MMD: variants seen among roughly 807,000 people sequenced by gnomAD.
MMD encodes monocyte to macrophage differentiation factor.
Under a neutral mutation model 33.6 loss-of-function variants are expected in MMD, and 22 were observed. The ratio of observed to expected loss-of-function variants is 0.66; its 90% CI spans 0.47 to 0.94. The LOEUF is 0.94. Among genes scored for constraint, MMD ranks in the 40% least tolerant of loss-of-function variants. The probability of loss-of-function intolerance (pLI) is 0.00; values close to 1 mark genes in which losing one functional copy is unlikely to be tolerated. For synonymous variants in MMD, 97 were observed against 103.2 expected, an observed-to-expected ratio of 0.94 and a Z score of 0.36; for missense variants, 242 against 309.8, an observed-to-expected ratio of 0.78 and a Z score of 1.64.
intron 5 of MMD, among the ~76,000 whole-genome samples, chr17:55,401,981 ATGGCG>A: frequency 2.8e-5 from 1 of 35,674 alleles, no homozygotes; most frequent in African/African-American, 3.9e-4. Flanking sequence ...AGGCAGGAGA[ATGGCG>A]TGAACCCGAA....
At position 55,394,454 on chromosome 17, in the gene MMD, G is replaced by T; in HGVS notation, c.597C>A (p.Gly199=). Residue 199 remains glycine (G), a synonymous_variant, in exon 7 of 7, where the codon GGC becomes GGA. Transcript: ENST00000262065. ...CLGVVFFKSD[G]IIPFAHAIWH... The stretch of plus-strand genomic sequence containing the variant: ...AGATGGCGTGGGCAAATGGAATGAT[G>T]CCATCACTCTTGAAGAACACAACTC... 1 of 1,545,902 alleles carries T rather than the reference G, an allele frequency of 6.5e-7. No homozygotes were observed. Among genetic ancestry groups the T allele is most frequent in the Non-Finnish European group, 8.7e-7 (1 of 1,150,742 alleles).
chr17:55,411,643 T>C (rs1331950147), intron 2 of MMD, among the ~76,000 whole-genome samples: 1 of 149,626 alleles, frequency 6.7e-6, no homozygotes, highest in Admixed American at 6.7e-5. Context: ...CCAGTGGGGA[T>C]ACAATTAAGC....
chr17:55,399,612 C>T (rs1907250118), intron 6 of MMD, among the ~76,000 whole-genome samples: 1 of 152,228 alleles, frequency 6.6e-6, no homozygotes, highest in South Asian at 2.1e-4. Flanking sequence ...TCACCCCTAC[C>T]ATCTCTCAGC....
Position 55,415,812 on chromosome 17 carries a change from A to G in MMD, c.27-1580T>C, listed in dbSNP as rs1279995878. On this transcript the variant is annotated intron_variant, in intron 1 of 6. Coordinates refer to ENST00000262065, the MANE Select transcript of MMD (RefSeq NM_012329.3). The stretch of plus-strand genomic sequence containing the variant: ...GTACTTACTGAGTATAATCTACCAG[A>G]TGGTTTGAAAACCAACTGTTAAAGA... Among the ~76,000 whole-genome samples, 4 of 152,350 alleles carry G rather than the reference A, an allele frequency of 2.6e-5. No homozygotes were observed. In the East Asian group the frequency reaches 7.7e-4, roughly 29 times the overall value.
Position 55,394,395 on chromosome 17 carries a change from T to A in MMD, c.656A>T (p.His219Leu). The change falls in exon 7 of 7, where the codon CAT becomes CTT. Residue 219 changes from histidine to leucine, a missense_variant. Transcript: ENST00000262065. ...HLFVATAAAV[H>L]YYAIWKYLYR... ...AAGGTATTTCCAAATGGCGTAGTAA[T>A]GCACTGCAGCTGCCGTGGCCACAAA... 1 of 1,491,150 alleles carries A rather than the reference T, an allele frequency of 6.7e-7. No homozygotes were observed. The allele number at this position is 1,491,150 out of a possible 1,614,324, so 92.4% of individuals were successfully genotyped here. A position where few individuals can be genotyped will look rare whatever the true frequency, so the allele number is the denominator to read the frequency against.
intron 4 of MMD, among the ~76,000 whole-genome samples, chr17:55,405,270 T>C (rs1455258329): frequency 1.3e-5 from 2 of 151,188 alleles, no homozygotes; most frequent in Non-Finnish European, 2.9e-5. Context: ...CTTGGAAGGC[T>C]GACGCAGGAG....
intron 5 of MMD, among the ~76,000 whole-genome samples, chr17:55,402,760 C>T (rs980728019): frequency 6.6e-6 from 1 of 152,182 alleles, no homozygotes; most frequent in Non-Finnish European, 1.5e-5. Context: ...GTCCAAGAAG[C>T]AAACCATTCC....
chr17:55,412,281 A>G (rs1266538019), intron 2 of MMD, among the ~76,000 whole-genome samples: 1 of 152,226 alleles, frequency 6.6e-6, no homozygotes, highest in African/African-American at 2.4e-5. Flanking sequence ...GGATCTGTAC[A>G]TTCCACCAAT....
At chr17:55,420,443 G>A (rs1356092919) in intron 1 of MMD, 1 of 152,220 alleles carries the variant, frequency 6.6e-6, no homozygotes, top group Non-Finnish European at 1.5e-5. Context: ...ATATTCAGAA[G>A]TCAATCCAAG....
intron 1 of MMD, among the ~76,000 whole-genome samples, chr17:55,415,520 C>G (rs1336632654): frequency 2.0e-5 from 3 of 152,092 alleles, no homozygotes; most frequent in Non-Finnish European, 4.4e-5. Context: ...ATGGTAGAAC[C>G]AAGTTGCCAA....
At chr17:55,414,556 T>TCACACACACACACACACA (rs58103743) in intron 1 of MMD, among the ~76,000 whole-genome samples, 13 of 122,922 alleles carry the variant, frequency 1.1e-4, no homozygotes, top group African/African-American at 4.1e-4. Flanking sequence ...CCTCCTCCAT[T>TCACACACACACACACACA]CACACACACA....
chr17:55,417,890 G>A (rs771127771), intron 1 of MMD, among the ~76,000 whole-genome samples: 16 of 152,272 alleles, frequency 1.1e-4, no homozygotes, highest in Admixed American at 7.2e-4. Context: ...GCTTACGATA[G>A]CACTGTAACA....
intron 4 of MMD, among the ~76,000 whole-genome samples, chr17:55,406,257 T>C (rs1190121764): frequency 1.3e-5 from 2 of 152,086 alleles, no homozygotes; most frequent in African/African-American, 2.4e-5. Context: ...TAGCCAGGCA[T>C]GGTGGCACAT....
intron 3 of MMD, among the ~76,000 whole-genome samples, chr17:55,408,708 T>C (rs962857259): frequency 6.6e-6 from 1 of 152,130 alleles, no homozygotes; most frequent in African/African-American, 2.4e-5. Flanking sequence ...TGAAAAAACA[T>C]ACCCCATAAA....
At chr17:55,418,730 A>G (rs1240811686) in intron 1 of MMD, among the ~76,000 whole-genome samples, 1 of 152,234 alleles carries the variant, frequency 6.6e-6, no homozygotes, top group East Asian at 1.9e-4. Context: ...CCCCATGCCT[A>G]TGATTTAGTG....
intron 4 of MMD, among the ~76,000 whole-genome samples, chr17:55,405,975 G>T (rs1177824005): frequency 2.6e-5 from 4 of 152,198 alleles, no homozygotes; most frequent in African/African-American, 9.6e-5. Context: ...AAGGCAGAAA[G>T]ATCAAAGGCA....
intron 6 of MMD, among the ~76,000 whole-genome samples, chr17:55,401,153 A>G (rs759900417): frequency 6.6e-6 from 1 of 152,084 alleles, no homozygotes; most frequent in African/African-American, 2.4e-5. Flanking sequence ...TTGCTGGCAC[A>G]CTTCATTATT....
chr17:55,414,009 C>G, intron 2 of MMD, 142 bp downstream of exon 2: 1 of 736,088 alleles, frequency 1.4e-6, no homozygotes, highest in Non-Finnish European at 2.3e-6. Flanking sequence ...TCTGGTGACA[C>G]GACCCAGAAC....
chr17:55,401,608 CT>C, intron 5 of MMD, 70 bp from the exon 6 acceptor site: 1 of 1,276,434 alleles, frequency 7.8e-7, no homozygotes, highest in Non-Finnish European at 1.1e-6. Flanking sequence ...ACATACCAGC[CT>C]TTCCTTTTTA....
Sources: allele counts gnomAD v4.1 joint callset (sites outside exome capture counted in the v4.1 genomes callset), GRCh38; gene constraint gnomAD v4.1.1; transcripts MANE v1.5; gene names NCBI Gene and HGNC (gene_info 2026-07-23, HGNC 2026-07-21).